Variants in OR14I1 observed in about 807,000 individuals in gnomAD.
OR14I1 encodes the protein olfactory receptor 14I1.
For synonymous variants in OR14I1, 118 were observed against 71.1 expected, an observed-to-expected ratio of 1.66 and a Z score of -3.32; for missense variants, 279 against 181.8, an observed-to-expected ratio of 1.53 and a Z score of -3.07.
the OR14I1 span, among the ~76,000 whole-genome samples, chr1:248,697,797 A>T: frequency 2.0e-5 from 3 of 152,140 alleles, no homozygotes; most frequent in Non-Finnish European, 4.4e-5. Context: ...AAAACAAAAA[A>T]CAAAAAACCA....
chr1:248,699,789 C>T, the OR14I1 span, among the ~76,000 whole-genome samples: 269 of 152,294 alleles, frequency 1.8e-3, 1 homozygote, highest in African/African-American at 6.3e-3. Context: ...GACAGAGTCT[C>T]GCTCTATCGC....
At chr1:248,683,328 T>A (rs138303470), upstream of OR14I1, among the ~76,000 whole-genome samples, 639 of 152,330 alleles carry the variant, frequency 4.2e-3, 5 homozygotes, top group South Asian at 0.013. Context: ...TTAAAATTAG[T>A]TTTTCTGCAT....
chr1:248,701,526 TA>T, the OR14I1 span, among the ~76,000 whole-genome samples: 3 of 152,192 alleles, frequency 2.0e-5, no homozygotes, highest in African/African-American at 7.2e-5. Flanking sequence ...GTAAAAACTA[TA>T]AAAACATTAA....
At chr1:248,678,480 T>C (rs555403912), downstream of OR14I1, among the ~76,000 whole-genome samples, 93 of 152,286 alleles carry the variant, frequency 6.1e-4, 1 homozygote, top group Admixed American at 1.0e-3. Flanking sequence ...ACTGGAAAAA[T>C]CTGTAACTAC....
At chr1:248,679,467 A>G (rs921921420), downstream of OR14I1, among the ~76,000 whole-genome samples, 2 of 151,912 alleles carry the variant, frequency 1.3e-5, no homozygotes, top group African/African-American at 4.8e-5. Flanking sequence ...ATATTATACT[A>G]TGTGCTTTAT....
chr1:248,681,981 A>G (rs1391469491), exon 1 of OR14I1: 2 of 780,992 alleles, frequency 2.6e-6, no homozygotes, highest in African/African-American at 3.4e-5. Context: ...AGGCCAGCTC[A>G]GCAGATGCAA....
exon 1 of OR14I1, chr1:248,681,470 A>T: frequency 1.3e-6 from 1 of 781,048 alleles, no homozygotes. Context: ...AAGGGAGGCA[A>T]AACTGTGTAT....
the OR14I1 span, among the ~76,000 whole-genome samples, chr1:248,689,600 C>T: frequency 8.6e-5 from 13 of 151,768 alleles, no homozygotes; most frequent in African/African-American, 2.7e-4. Flanking sequence ...TTCCTTGTTC[C>T]GGGGGGCCAC....
At chr1:248,697,594 GAC>G in the OR14I1 span, among the ~76,000 whole-genome samples, 12 of 151,974 alleles carry the variant, frequency 7.9e-5, no homozygotes, top group Non-Finnish European at 1.6e-4. Context: ...AGACCAGCCT[GAC>G]CAACATGGAG....
At chr1:248,692,370 T>C in the OR14I1 span, among the ~76,000 whole-genome samples, 2 of 152,158 alleles carry the variant, frequency 1.3e-5, no homozygotes, top group Non-Finnish European at 2.9e-5. Context: ...CCACCCTCAT[T>C]CCTGCATTCC....
chr1:248,683,494 TAA>T (rs1661596033), upstream of OR14I1, among the ~76,000 whole-genome samples: 1 of 152,224 alleles, frequency 6.6e-6, no homozygotes, highest in Non-Finnish European at 1.5e-5. Flanking sequence ...TCATTAATGA[TAA>T]ACTCTATTAA....
downstream of OR14I1, among the ~76,000 whole-genome samples, chr1:248,680,191 A>T (rs900754100): frequency 6.6e-6 from 1 of 152,254 alleles, no homozygotes; most frequent in Non-Finnish European, 1.5e-5. Context: ...TTACATTGAT[A>T]ACTACAAAAG....
upstream of OR14I1, among the ~76,000 whole-genome samples, chr1:248,685,785 G>A (rs1661641236): frequency 6.7e-6 from 1 of 149,862 alleles, no homozygotes; most frequent in African/African-American, 2.5e-5. Flanking sequence ...TGTATATATA[G>A]TTGTGTATAT....
upstream of OR14I1, among the ~76,000 whole-genome samples, chr1:248,685,529 C>T (rs1002367216): frequency 1.3e-5 from 2 of 152,046 alleles, no homozygotes; most frequent in African/African-American, 4.8e-5. Context: ...TAAAATTCTA[C>T]AAAACTGCCA....
At chr1:248,699,823 A>G in the OR14I1 span, among the ~76,000 whole-genome samples, 2 of 152,126 alleles carry the variant, frequency 1.3e-5, no homozygotes, top group African/African-American at 2.4e-5. Flanking sequence ...CAGTGGCGCA[A>G]TCTCGGCTCA....
At chr1:248,696,835 A>G in the OR14I1 span, among the ~76,000 whole-genome samples, 6 of 152,162 alleles carry the variant, frequency 3.9e-5, no homozygotes, top group African/African-American at 1.2e-4. Context: ...AATGAGCTCC[A>G]TAATGGCAGG....
the OR14I1 span, among the ~76,000 whole-genome samples, chr1:248,691,233 A>G: frequency 6.6e-6 from 1 of 152,344 alleles, no homozygotes; most frequent in East Asian, 1.9e-4. Flanking sequence ...TTCATTCAAC[A>G]CACACTAACA....
At chr1:248,699,265 A>G in the OR14I1 span, among the ~76,000 whole-genome samples, 3 of 152,202 alleles carry the variant, frequency 2.0e-5, no homozygotes, top group Non-Finnish European at 4.4e-5. Context: ...TAAGGTCCCA[A>G]AGCATTTAGA....
In OR14I1 at chr1:248,681,363, G is replaced by A. The variant is rs182858731; in HGVS notation, c.*6C>T. The A allele has an allele frequency of 3.9e-3, 2,819 of 722,918 alleles. 10 individuals carry two copies. Among genetic ancestry groups the A allele is most frequent in the Non-Finnish European group, 5.4e-3 (2,143 of 393,636 alleles). The allele number at this position is 722,918 out of a possible 1,614,324, so 44.8% of individuals were successfully genotyped here. On this transcript the variant is annotated 3_prime_UTR_variant, in exon 1 of 1. Transcript: ENST00000342623. ...GCAGATCTTCTATAGTAAAGACCAG[G>A]ATGTTCTACTTTTGCAGAAAATATA...
Sources: gnomAD v4.1 joint callset for allele counts (sites outside exome capture counted in the v4.1 genomes callset) on GRCh38, gnomAD v4.1.1 for gene constraint, MANE v1.5 for transcripts, NCBI Gene and HGNC (gene_info 2026-07-23, HGNC 2026-07-21) for gene names.